The following TULP4 variants were observed in gnomAD, a reference collection of about 807,000 sequenced individuals.
The protein encoded by TULP4 is TUB like protein 4, also known as tubby-related protein 4.
In TULP4, 16 loss-of-function variants were observed where a neutral mutation model predicts 129.0. The ratio of observed to expected loss-of-function variants is 0.12; its 90% CI spans 0.08 to 0.19. TULP4 has a LOEUF of 0.19. Among genes scored for constraint, TULP4 ranks in the 10% least tolerant of loss-of-function variants. The probability of loss-of-function intolerance (pLI) is 1.00; values close to 1 mark genes in which losing one functional copy is unlikely to be tolerated. For missense variants in TULP4, 1,842 were observed against 2,059.1 expected (o/e 0.89, Z 2.04); for synonymous variants, 998 against 854.0 (o/e 1.17, Z -2.94).
At chr6:158,354,882 C>T (rs1418422751) in intron 1 of TULP4, among the ~76,000 whole-genome samples, 6 of 97,246 alleles carry the variant, frequency 6.2e-5, no homozygotes, top group African/African-American at 2.7e-4. Flanking sequence ...AGCAAGACCC[C>T]ATCTCAAAAA....
intron 6 of TULP4, among the ~76,000 whole-genome samples, chr6:158,467,075 C>A (rs1779570142): frequency 6.6e-6 from 1 of 152,136 alleles, no homozygotes; most frequent in Admixed American, 6.5e-5. Context: ...GAACACTCCA[C>A]CTCTTAAATA....
chr6:158,398,337 C>T (rs1011658915), intron 1 of TULP4, among the ~76,000 whole-genome samples: 2 of 152,176 alleles, frequency 1.3e-5, no homozygotes, highest in African/African-American at 4.8e-5. Flanking sequence ...TAGCAGTTCT[C>T]CAAACCAAGC....
intron 1 of TULP4, among the ~76,000 whole-genome samples, chr6:158,351,707 CTTTTTTTT>C (rs1160814801): frequency 3.6e-4 from 18 of 50,520 alleles, no homozygotes; most frequent in African/African-American, 1.1e-3. Flanking sequence ...TGTTGTTAAA[CTTTTTTTT>C]TTTTTTTTTT....
At chr6:158,297,717 G>A (rs1779058414) in intron 1 of TULP4, among the ~76,000 whole-genome samples, 1 of 152,102 alleles carries the variant, frequency 6.6e-6, no homozygotes, top group Admixed American at 6.5e-5. Context: ...CAACAGATAA[G>A]GGTCCAACAA....
intron 1 of TULP4, among the ~76,000 whole-genome samples, chr6:158,285,206 TGTC>T (rs1778815380): frequency 6.6e-6 from 1 of 152,214 alleles, no homozygotes; most frequent in Admixed American, 6.5e-5. Flanking sequence ...AGCTTTATGT[TGTC>T]TAGTCTTGGA....
At chr6:158,398,207 C>G (rs1777761177) in intron 1 of TULP4, among the ~76,000 whole-genome samples, 1 of 152,168 alleles carries the variant, frequency 6.6e-6, no homozygotes, top group African/African-American at 2.4e-5. Flanking sequence ...CCCAGCATAC[C>G]AGCCATAGGC....
chr6:158,259,807 C>G (rs117547415), intron 1 of TULP4, among the ~76,000 whole-genome samples: 82 of 152,358 alleles, frequency 5.4e-4, no homozygotes, highest in Non-Finnish European at 8.2e-4. Flanking sequence ...AAACAACTCA[C>G]TAAACTCACA....
chr6:158,397,482 A>T (rs1449879489), intron 1 of TULP4, among the ~76,000 whole-genome samples: 1 of 152,020 alleles, frequency 6.6e-6, no homozygotes, highest in Non-Finnish European at 1.5e-5. Flanking sequence ...GCCCAACACA[A>T]ATTCGTAAAC....
intron 11 of TULP4, among the ~76,000 whole-genome samples, chr6:158,497,433 A>C (rs1175391319): frequency 6.6e-6 from 1 of 152,198 alleles, no homozygotes; most frequent in East Asian, 1.9e-4. Flanking sequence ...TGGCATTTTA[A>C]CAATACACAG....
At position 158,370,351 on chromosome 6, in the gene TULP4, G is replaced by A. The variant is rs559591485; in HGVS notation, c.253-42714G>A. On this transcript the variant is annotated intron_variant, in intron 1 of 13. Transcript: ENST00000367097. ...AGGCACCTGTAATCCCAGCTACTCA[G>A]GAGGCCGAGGCAGGAGAATCACTTG... 2.0e-3 allele frequency among the ~76,000 whole-genome samples: 298 copies of A among 151,532 alleles called. 1 individual carries two copies. Among genetic ancestry groups the A allele is most frequent in the Non-Finnish European group, 2.7e-3 (183 of 67,908 alleles).
rs896047239 is a variant in TULP4, at chr6:158,413,469, C to T, written c.381+276C>T. Among the ~76,000 whole-genome samples the T allele has an allele frequency of 6.6e-6, 1 of 152,198 alleles. No homozygotes were observed. The highest frequency in any genetic ancestry group is 2.4e-5 in the African/African-American group (1 of 41,436). ...CAGATCTGTGAAGTCATTTTTTACCCTTCAGTGTTGTGATTCCATGTTAAA... is the reference window on the plus strand; with the variant it reads ...CAGATCTGTGAAGTCATTTTTTACCTTTCAGTGTTGTGATTCCATGTTAAA... On this transcript the variant is annotated intron_variant, in intron 2 of 13. Transcript: ENST00000367097. The surrounding 1 kb of genome is among the most constrained non-coding windows in gnomAD (Gnocchi z 4.9).
At chr6:158,454,551 G>A (rs1779249022) in intron 5 of TULP4, among the ~76,000 whole-genome samples, 1 of 151,608 alleles carries the variant, frequency 6.6e-6, no homozygotes, top group Non-Finnish European at 1.5e-5. Context: ...CCCTGCTTAT[G>A]GAAACTTTAT....
intron 1 of TULP4, chr6:158,282,991 T>C (rs1778783070): frequency 6.6e-6 from 1 of 151,926 alleles, no homozygotes; most frequent in East Asian, 1.9e-4. Flanking sequence ...CAAAAATTAG[T>C]TGAGCATGGT....
At chr6:158,270,358 C>G (rs1423305708) in intron 1 of TULP4, among the ~76,000 whole-genome samples, 1 of 152,242 alleles carries the variant, frequency 6.6e-6, no homozygotes, top group Non-Finnish European at 1.5e-5. Flanking sequence ...TCTCTCAACT[C>G]TGCTCCACAG....
intron 1 of TULP4, among the ~76,000 whole-genome samples, chr6:158,361,033 TG>T (rs1339152577): frequency 6.6e-6 from 1 of 152,218 alleles, no homozygotes; most frequent in African/African-American, 2.4e-5. Flanking sequence ...TTTTTTTCCA[TG>T]TATCTTTCTG....
chr6:158,248,125 A>G (rs780763386), intron 1 of TULP4, among the ~76,000 whole-genome samples: 12 of 152,212 alleles, frequency 7.9e-5, no homozygotes, highest in Non-Finnish European at 1.2e-4. Context: ...ACTGTATGTT[A>G]ACAGATTAGA....
chr6:158,396,618 C>T (rs2114966334), intron 1 of TULP4, among the ~76,000 whole-genome samples: 1 of 152,082 alleles, frequency 6.6e-6, no homozygotes, highest in African/African-American at 2.4e-5. Flanking sequence ...TATATGAAAG[C>T]ATATAAATAA....
intron 1 of TULP4, among the ~76,000 whole-genome samples, chr6:158,370,766 G>T (rs1394725878): frequency 2.0e-5 from 3 of 152,124 alleles, no homozygotes; most frequent in East Asian, 1.9e-4. Flanking sequence ...TTTAAGCAGG[G>T]GTACCCTCAC....
At position 158,508,176 on chromosome 6, in the gene TULP4, G is replaced by A. The variant is rs1780647472; in HGVS notation, c.*1482G>A. On this transcript the variant is annotated 3_prime_UTR_variant, in exon 14 of 14. Transcript: ENST00000367097. ...TTTTTTGTTGTTGTTTTTTGTTTTTGTTTTTGTTTTTCTCAGTCTTACCTG... is the reference window on the plus strand; with the variant it reads ...TTTTTTGTTGTTGTTTTTTGTTTTTATTTTTGTTTTTCTCAGTCTTACCTG... The A allele has an allele frequency of 6.6e-6, 1 of 152,016 alleles. No individual in the cohort carries two copies. Among genetic ancestry groups the A allele is most frequent in the African/African-American group, 2.4e-5 (1 of 41,372 alleles). 9.4% of individuals were successfully genotyped at this position (152,016 alleles called of 1,614,324 possible).
Sources: allele counts gnomAD v4.1 joint callset (sites outside exome capture counted in the v4.1 genomes callset), GRCh38; gene constraint gnomAD v4.1.1; non-coding constraint Gnocchi (gnomAD v3.1); transcripts MANE v1.5; gene names NCBI Gene and HGNC (gene_info 2026-07-23, HGNC 2026-07-21).